Variants in ATP5MC2 observed in about 807,000 individuals in gnomAD.
The protein encoded by ATP5MC2 is ATP synthase F(0) complex subunit C2, mitochondrial.
In ATP5MC2, 11 loss-of-function variants were observed where a neutral mutation model predicts 13.5. The ratio of observed to expected loss-of-function variants is 0.81; its 90% CI spans 0.51 to 1.35. The LOEUF is 1.35. Among genes scored for constraint, ATP5MC2 ranks in the 40% most tolerant of loss-of-function variants. The pLI, the probability that ATP5MC2 is intolerant of heterozygous loss-of-function variation, is 0.00. For synonymous variants in ATP5MC2, 64 were observed against 69.7 expected (o/e 0.92, Z 0.41); for missense variants, 132 against 175.0 (o/e 0.75, Z 1.39).
intron 4 of ATP5MC2, 90 bp from the exon 5 acceptor site, chr12:53,665,518 C>G (rs1944890084): frequency 9.4e-7 from 1 of 1,062,096 alleles, no homozygotes; most frequent in African/African-American, 1.6e-5. Flanking sequence ...GAATCCCCCT[C>G]TTCAAGATTA....
In ATP5MC2 at chr12:53,667,964, T is replaced by C. The variant is rs1366826895; in HGVS notation, c.311+1184A>G. 2.8e-3 allele frequency among the ~76,000 whole-genome samples: 120 copies of C among 43,482 alleles called. 2 individuals are homozygous for C. Among genetic ancestry groups the C allele is most frequent in the African/African-American group, 0.018 (106 of 5,996 alleles). The allele number at this position is 43,482 out of a possible 152,430, so 28.5% of individuals were successfully genotyped here. ...ATACATACATACACACACATATATATATATATATATATATATATATATATA... is the reference window on the plus strand; with the variant it reads ...ATACATACATACACACACATATATACATATATATATATATATATATATATA... On this transcript the variant is annotated intron_variant, in intron 4 of 4. Coordinates refer to ENST00000394349, the MANE Select transcript of ATP5MC2 (RefSeq NM_005176.7).
intron 1 of ATP5MC2, 128 bp downstream of exon 1, chr12:53,675,925 G>C: frequency 7.3e-7 from 1 of 1,370,948 alleles, no homozygotes; most frequent in South Asian, 1.5e-5. Flanking sequence ...AAGGGATAGC[G>C]GAAGCAAGAA....
chr12:53,665,179 T>C lies in ATP5MC2; in HGVS notation c.*135A>G, dbSNP rs1944876668. The C allele has an allele frequency of 1.6e-6, 1 of 641,134 alleles. No homozygotes were observed. Among genetic ancestry groups the C allele is most frequent in the East Asian group, 2.8e-5 (1 of 36,114 alleles). 39.7% of individuals were successfully genotyped at this position (641,134 alleles called of 1,614,324 possible). On this transcript the variant is annotated 3_prime_UTR_variant, in exon 5 of 5. Coordinates refer to ENST00000394349, the MANE Select transcript of ATP5MC2 (RefSeq NM_005176.7). Reference sequence around the variant, plus strand: ...GGAGACTCAAGAAACATCTTATTAATACAGTATTTATTTGTCTTTTCTCTG... The same window carrying C: ...GGAGACTCAAGAAACATCTTATTAACACAGTATTTATTTGTCTTTTCTCTG...
At chr12:53,680,876 T>C (rs957037385), upstream of ATP5MC2, among the ~76,000 whole-genome samples, 4 of 152,172 alleles carry the variant, frequency 2.6e-5, no homozygotes, top group African/African-American at 9.7e-5. Flanking sequence ...TGAAGCATAG[T>C]AATAAAATGG....
intron 2 of ATP5MC2, among the ~76,000 whole-genome samples, chr12:53,670,556 T>C (rs1003579150): frequency 1.3e-5 from 2 of 152,166 alleles, no homozygotes; most frequent in African/African-American, 4.8e-5. Flanking sequence ...CAGAGTATTG[T>C]ACCACACATT....
At chr12:53,667,956 C>CATACACATAT (rs1944971986) in intron 4 of ATP5MC2, among the ~76,000 whole-genome samples, 4 of 67,364 alleles carry the variant, frequency 5.9e-5, no homozygotes, top group African/African-American at 9.3e-5. Flanking sequence ...CATACACACA[C>CATACACATAT]ATATATATAT....
chr12:53,681,034 G>GCC (rs1945337329), upstream of ATP5MC2, among the ~76,000 whole-genome samples: 1 of 148,618 alleles, frequency 6.7e-6, no homozygotes. Flanking sequence ...AGCCTCCCAA[G>GCC]TAGCTGGGAC....
In ATP5MC2 at chr12:53,669,354, G is replaced by C; in HGVS notation, c.118-13C>G. ...AGCTGCTGAGGCTCTGTGAAAAAGA[G>C]GCAGGTAGAAGGTAAAGTTTTTTGC... On this transcript the variant is annotated splice_polypyrimidine_tract_variant and intron_variant, in intron 3 of 4. Coordinates refer to ENST00000394349, the MANE Select transcript of ATP5MC2 (RefSeq NM_005176.7). The C allele has an allele frequency of 1.9e-6, 3 of 1,606,518 alleles. No homozygotes were observed. The highest frequency in any genetic ancestry group is 2.6e-6 in the Non-Finnish European group (3 of 1,175,680).
At chr12:53,672,708 G>C in intron 1 of ATP5MC2, 63 bp from the exon 2 acceptor site, 2 of 1,463,186 alleles carry the variant, frequency 1.4e-6, no homozygotes, top group South Asian at 2.5e-5. Context: ...CTTATTAGCA[G>C]AAAAGGGGCC....
intron 1 of ATP5MC2, among the ~76,000 whole-genome samples, chr12:53,674,411 A>G (rs1285014416): frequency 6.6e-6 from 1 of 152,258 alleles, no homozygotes; most frequent in African/African-American, 2.4e-5. Context: ...TTCCCAGATG[A>G]TTATTAGGTA....
chr12:53,668,999 C>G, intron 4 of ATP5MC2, 149 bp downstream of exon 4: 1 of 1,160,110 alleles, frequency 8.6e-7, no homozygotes, highest in Non-Finnish European at 1.1e-6. Flanking sequence ...GCCTGGGAAA[C>G]AGAGCGTTAC....
chr12:53,667,320 G>A (rs939057449), intron 4 of ATP5MC2, among the ~76,000 whole-genome samples: 3 of 152,182 alleles, frequency 2.0e-5, no homozygotes, highest in African/African-American at 7.2e-5. Context: ...AGGAGTGACA[G>A]AGGGAAATTC....
chr12:53,669,816 A>C, intron 3 of ATP5MC2, 55 bp downstream of exon 3: 1 of 1,570,330 alleles, frequency 6.4e-7, no homozygotes, highest in Non-Finnish European at 8.8e-7. Flanking sequence ...TCTGGCAGGT[A>C]ACCCTCCCCA....
chr12:53,667,938 C>A (rs1944965541), intron 4 of ATP5MC2, among the ~76,000 whole-genome samples: 1 of 89,606 alleles, frequency 1.1e-5, no homozygotes, highest in African/African-American at 4.4e-5. Context: ...CATTCTAATA[C>A]ATACATACAT....
upstream of ATP5MC2, among the ~76,000 whole-genome samples, chr12:53,678,463 G>T (rs115121573): frequency 0.047 from 7,085 of 152,164 alleles, 534 homozygotes; most frequent in African/African-American, 0.16. Context: ...TTATTGCAAG[G>T]TCCTTGAGAT....
intron 4 of ATP5MC2, among the ~76,000 whole-genome samples, chr12:53,666,328 A>G (rs907528904): frequency 2.6e-5 from 4 of 152,096 alleles, no homozygotes; most frequent in African/African-American, 9.7e-5. Context: ...CTGTAATCCC[A>G]GCACTTTGGG....
upstream of ATP5MC2, among the ~76,000 whole-genome samples, chr12:53,678,864 A>G (rs1243500783): frequency 6.6e-6 from 1 of 152,184 alleles, no homozygotes; most frequent in African/African-American, 2.4e-5. Context: ...ACCAGACCAT[A>G]TAACAAGGTT....
chr12:53,667,997 A>ATTTTTTT (rs59042234), intron 4 of ATP5MC2, among the ~76,000 whole-genome samples: 7 of 126,838 alleles, frequency 5.5e-5, no homozygotes, highest in African/African-American at 2.1e-4. Flanking sequence ...ATATATATAA[A>ATTTTTTT]TTTTTTTTTT....
At chr12:53,679,281 C>G (rs958038046), upstream of ATP5MC2, among the ~76,000 whole-genome samples, 10 of 89,306 alleles carry the variant, frequency 1.1e-4, no homozygotes, top group South Asian at 3.8e-4. Context: ...GAGAGAGAGA[C>G]CAGGGCACAG....
Sources: gnomAD v4.1 joint callset for allele counts (sites outside exome capture counted in the v4.1 genomes callset) on GRCh38, gnomAD v4.1.1 for gene constraint, MANE v1.5 for transcripts, NCBI Gene and HGNC (gene_info 2026-07-23, HGNC 2026-07-21) for gene names.